Variants in CAPN1 observed in about 807,000 individuals in gnomAD.
The protein encoded by CAPN1 is calpain 1, also known as calpain-1 catalytic subunit.
CAPN1 carries 77 observed loss-of-function variants against 105.2 expected under a neutral mutation model. That is an observed-to-expected ratio of 0.73 (90% CI 0.61 to 0.88). The LOEUF (loss-of-function observed/expected upper bound fraction) is 0.88. CAPN1 is among the 40% of genes least tolerant of loss of function. The pLI, the probability that CAPN1 is intolerant of heterozygous loss-of-function variation, is 0.00. For missense variants in CAPN1, 833 were observed against 976.6 expected (o/e 0.85, Z 1.96); for synonymous variants, 355 against 388.8 (o/e 0.91, Z 1.02).
chr11:65,203,322 T>C (rs1355396738), intron 10 of CAPN1: 6 of 152,126 alleles, frequency 3.9e-5, no homozygotes, highest in African/African-American at 1.4e-4. Context: ...CCTGAGTAGC[T>C]GGGATTACAG....
At chr11:65,186,881 G>A (rs1590850163) in intron 6 of CAPN1, among the ~76,000 whole-genome samples, 1 of 152,234 alleles carries the variant, frequency 6.6e-6, no homozygotes, top group South Asian at 2.1e-4. Flanking sequence ...GGCCCACTGA[G>A]GGCTGTGTGG....
chr11:65,185,979 G>A lies in CAPN1; in HGVS notation c.519G>A (p.Gly173=), dbSNP rs201854138. ...ATGACCTGCTGCCCATCAAGGACGG[G>A]AAGCTAGTGTTCGTGCACTCTGCCG... is the stretch of plus-strand genomic sequence containing the variant. ...VVDDLLPIKD[G]KLVFVHSAEG... The change falls in exon 5 of 22, where the codon GGG becomes GGA. Residue 173 remains glycine (G), a synonymous_variant. Coordinates refer to ENST00000279247, the MANE Select transcript of CAPN1 (RefSeq NM_005186.4). 502 of 1,604,026 alleles carry A rather than the reference G, an allele frequency of 3.1e-4. No homozygotes were observed. Among genetic ancestry groups the A allele is most frequent in the Middle Eastern group, 6.6e-4 (4 of 6,052 alleles).
intron 3 of CAPN1, 47 bp from the exon 4 acceptor site, chr11:65,183,427 C>CCG (rs1948578307): frequency 7.0e-7 from 1 of 1,436,112 alleles, no homozygotes; most frequent in Admixed American, 1.7e-5. Flanking sequence ...CTTCCCCCCC[C>CCG]GGGGCAGGTT....
At position 65,183,696 on chromosome 11, in the gene CAPN1, C is replaced by T. The variant is rs990609185; in HGVS notation, c.456+104C>T. 6.6e-6 allele frequency: 5 copies of T among 752,388 alleles called. No homozygotes were observed. In the African/African-American group the frequency reaches 6.9e-5, roughly 10 times the overall value. The allele number at this position is 752,388 out of a possible 1,614,324, so 46.6% of individuals were successfully genotyped here. A position where few individuals can be genotyped will look rare whatever the true frequency, so the allele number is the denominator to read the frequency against. Reference sequence around the variant, plus strand: ...GGCCACACCCTGTGGGGCCAGCCCTCCCTCTAGCAGGTATTTGACCTCTCA... The same window carrying T: ...GGCCACACCCTGTGGGGCCAGCCCTTCCTCTAGCAGGTATTTGACCTCTCA... On this transcript the variant is annotated intron_variant, in intron 4 of 21. Transcript: ENST00000279247.
chr11:65,198,761 G>C (rs1021684666), intron 10 of CAPN1, among the ~76,000 whole-genome samples: 7 of 152,106 alleles, frequency 4.6e-5, no homozygotes, highest in African/African-American at 1.4e-4. Flanking sequence ...CTGGTCTCAG[G>C]TGAGCCTCCC....
chr11:65,208,359 C>A lies in CAPN1; in HGVS notation c.1729+97C>A. 3 of 1,186,740 alleles carry A rather than the reference C, an allele frequency of 2.5e-6. No homozygotes were observed. The highest frequency in any genetic ancestry group is 2.4e-6 in the Non-Finnish European group (2 of 817,494). The allele number at this position is 1,186,740 out of a possible 1,614,324, so 73.5% of individuals were successfully genotyped here. Reference sequence around the variant, plus strand: ...ATTGAGCTGAACCTCATCCCTTGGTCTGCATGAGTCGGGGAATCCTCCAGT... The same window carrying A: ...ATTGAGCTGAACCTCATCCCTTGGTATGCATGAGTCGGGGAATCCTCCAGT... On this transcript the variant is annotated intron_variant, in intron 16 of 21. Transcript: ENST00000279247. This position sits in a 1 kb window ranked among gnomAD's most constrained non-coding sequence, Gnocchi z 4.1.
At chr11:65,186,705 C>T (rs1489611958) in intron 6 of CAPN1, among the ~76,000 whole-genome samples, 1 of 152,132 alleles carries the variant, frequency 6.6e-6, no homozygotes, top group African/African-American at 2.4e-5. Flanking sequence ...CAATCCCACA[C>T]TCACTCCATT....
Position 65,210,935 on chromosome 11 carries a change from G to A in CAPN1, c.2118+63G>A, listed in dbSNP as rs761737852. The A allele has an allele frequency of 1.2e-5, 17 of 1,397,178 alleles. No individual in the cohort carries two copies. The highest frequency in any genetic ancestry group is 1.1e-4 in the East Asian group (5 of 43,796). The allele number at this position is 1,397,178 out of a possible 1,614,324, so 86.5% of individuals were successfully genotyped here. On this transcript the variant is annotated intron_variant, in intron 21 of 21. Coordinates refer to ENST00000279247, the MANE Select transcript of CAPN1 (RefSeq NM_005186.4). This position sits in a 1 kb window ranked among gnomAD's most constrained non-coding sequence, Gnocchi z 4.3. ...CCAGGCGATCGAATTTTCTTATCTG[G>A]CCAGTGTTCCCTGTCCTTTCCTGGA...
chr11:65,208,363 A>G lies in CAPN1; in HGVS notation c.1729+101A>G. The stretch of plus-strand genomic sequence containing the variant: ...AGCTGAACCTCATCCCTTGGTCTGC[A>G]TGAGTCGGGGAATCCTCCAGTTTTT... On this transcript the variant is annotated intron_variant, in intron 16 of 21. Coordinates refer to ENST00000279247, the MANE Select transcript of CAPN1 (RefSeq NM_005186.4). This position sits in a 1 kb window ranked among gnomAD's most constrained non-coding sequence, Gnocchi z 4.1. The G allele has an allele frequency of 8.6e-7, 1 of 1,163,628 alleles. No individual in the cohort carries two copies. The highest frequency in any genetic ancestry group is 1.3e-6 in the Non-Finnish European group (1 of 796,938). 72.1% of individuals were successfully genotyped at this position (1,163,628 alleles called of 1,614,324 possible).
At chr11:65,204,249 C>A (rs552634090) in intron 10 of CAPN1, among the ~76,000 whole-genome samples, 1 of 152,304 alleles carries the variant, frequency 6.6e-6, no homozygotes, top group African/African-American at 2.4e-5. Context: ...AGCTCTGCGG[C>A]CTCCCTGGGT....
chr11:65,211,353 A>C lies in CAPN1; in HGVS notation c.*67A>C. On this transcript the variant is annotated 3_prime_UTR_variant, in exon 22 of 22. Coordinates refer to ENST00000279247, the MANE Select transcript of CAPN1 (RefSeq NM_005186.4). ...CGTCTGCCAAGCCTCGCCTCCTACCACACCACACCAGGCCACCCCAGCTGC... is the reference window on the plus strand; with the variant it reads ...CGTCTGCCAAGCCTCGCCTCCTACCCCACCACACCAGGCCACCCCAGCTGC... 2 of 1,518,624 alleles carry C rather than the reference A, an allele frequency of 1.3e-6. No homozygotes were observed. Among genetic ancestry groups the C allele is most frequent in the Admixed American group, 3.5e-5 (2 of 57,144 alleles). 94.1% of individuals were successfully genotyped at this position (1,518,624 alleles called of 1,614,324 possible).
chr11:65,184,754 G>A lies in CAPN1; in HGVS notation c.456+1162G>A, dbSNP rs116271085. Among the ~76,000 whole-genome samples, 1,369 of 152,278 alleles carry A rather than the reference G, an allele frequency of 9.0e-3. 16 individuals are homozygous for A. The highest frequency in any genetic ancestry group is 0.031 in the African/African-American group (1,273 of 41,550). On this transcript the variant is annotated intron_variant, in intron 4 of 21. Transcript: ENST00000279247. ...CCAGGGGGCCATGGCCTAAAAGGGGGCTAGTTCCGGAAAGCCCAGGCCCCA... is the reference window on the plus strand; with the variant it reads ...CCAGGGGGCCATGGCCTAAAAGGGGACTAGTTCCGGAAAGCCCAGGCCCCA...
At chr11:65,207,936 G>A (rs1422171360) in intron 14 of CAPN1, 119 bp from the exon 15 acceptor site, 2 of 659,958 alleles carry the variant, frequency 3.0e-6, no homozygotes, top group African/African-American at 3.7e-5. Context: ...AAAGAAAAGT[G>A]AGGCTCAGAG....
intron 11 of CAPN1, among the ~76,000 whole-genome samples, 169 bp downstream of exon 11, chr11:65,205,027 C>T (rs1231907462): frequency 6.6e-6 from 1 of 152,208 alleles, no homozygotes. Context: ...TCTCAGCCTC[C>T]AGGAGGCACC....
intron 10 of CAPN1, among the ~76,000 whole-genome samples, chr11:65,196,681 T>C (rs1948796683): frequency 6.6e-6 from 1 of 152,218 alleles, no homozygotes; most frequent in African/African-American, 2.4e-5. Context: ...TTCATGGCCA[T>C]GCTATGTAAT....
intron 12 of CAPN1, 74 bp downstream of exon 12, chr11:65,205,795 A>G: frequency 1.4e-6 from 2 of 1,404,974 alleles, no homozygotes; most frequent in Non-Finnish European, 2.0e-6. Flanking sequence ...CCAGTGGCAA[A>G]CCCACCCTGG....
Position 65,182,750 on chromosome 11 carries a change from C to T in CAPN1, c.49C>T (p.Gln17Ter). 1 of 1,582,728 alleles carries T rather than the reference C, an allele frequency of 6.3e-7. No homozygotes were observed. The highest frequency in any genetic ancestry group is 2.3e-5 in the East Asian group (1 of 43,012). ...TPVYCTGVSA[Q>*]VQKQRARELG... ...GGTGTACTGCACTGGGGTGTCAGCCCAAGTGCAGAAGCAGCGGGCCAGGGA... is the reference window on the plus strand; with the variant it reads ...GGTGTACTGCACTGGGGTGTCAGCCTAAGTGCAGAAGCAGCGGGCCAGGGA... The change falls in exon 2 of 22, where the codon CAA (glutamine) becomes TAA (stop). Residue 17 changes from glutamine to a stop codon, truncating the protein, a stop_gained. Coordinates refer to ENST00000279247, the MANE Select transcript of CAPN1 (RefSeq NM_005186.4). LOFTEE classifies it high-confidence loss of function.
intron 4 of CAPN1, 52 bp downstream of exon 4, chr11:65,183,644 A>C (rs1666901987): frequency 2.4e-6 from 3 of 1,269,542 alleles, no homozygotes; most frequent in Non-Finnish European, 3.4e-6. Flanking sequence ...GAGATGCGGA[A>C]GGATGACCCA....
At chr11:65,192,984 CT>C (rs769999096) in intron 10 of CAPN1, among the ~76,000 whole-genome samples, 347 of 140,910 alleles carry the variant, frequency 2.5e-3, no homozygotes, top group Admixed American at 2.7e-3. Flanking sequence ...TTAATATACT[CT>C]TTTTTTTTTT....
Sources: allele counts gnomAD v4.1 joint callset (sites outside exome capture counted in the v4.1 genomes callset), GRCh38; gene constraint gnomAD v4.1.1; non-coding constraint Gnocchi (gnomAD v3.1); transcripts MANE v1.5; gene names NCBI Gene and HGNC (gene_info 2026-07-23, HGNC 2026-07-21).